ACSL4: variants seen among roughly 807,000 people sequenced by gnomAD.
The protein encoded by ACSL4 is long-chain-fatty-acid--CoA ligase 4.
ACSL4 carries 9 observed loss-of-function variants against 49.1 expected under a neutral mutation model. The ratio of observed to expected loss-of-function variants is 0.18; its 90% CI spans 0.11 to 0.32. The LOEUF is 0.32. ACSL4 is among the 10% of genes least tolerant of loss of function. ACSL4 has a pLI of 1.00. For missense variants in ACSL4, 333 were observed against 493.7 expected, an observed-to-expected ratio of 0.67 and a Z score of 3.08; for synonymous variants, 191 against 170.3, an observed-to-expected ratio of 1.12 and a Z score of -0.95.
intron 15 of ACSL4, among the ~76,000 whole-genome samples, chrX:109,650,975 T>C (rs1231165842): frequency 2.7e-5 from 3 of 112,233 alleles, no homozygotes; most frequent in African/African-American, 9.7e-5. Context: ...AAAAAGGGGA[T>C]TGTGAATTTC....
chrX:109,732,215 CTGT>C (rs1928513474), intron 1 of ACSL4, among the ~76,000 whole-genome samples: 1 of 112,131 alleles, frequency 8.9e-6, no homozygotes, highest in Non-Finnish European at 1.9e-5. Context: ...TTGCATCTCA[CTGT>C]TGTTTCTCAG....
chrX:109,680,980 T>G lies in ACSL4; in HGVS notation c.655+18A>C. 1 of 1,207,422 alleles carries G rather than the reference T, an allele frequency of 8.3e-7. No individual in the cohort carries two copies. The highest frequency in any genetic ancestry group is 1.1e-6 in the Non-Finnish European group (1 of 892,405). On this transcript the variant is annotated intron_variant, in intron 6 of 15. Coordinates refer to ENST00000672401, the MANE Select transcript of ACSL4 (RefSeq NM_001318510.2). The stretch of plus-strand genomic sequence containing the variant: ...ACTTGGAATAGGTAAATAAAATTGT[T>G]TTTACTGCTTTACTTACAGTTTTCT...
chrX:109,647,329 G>C (rs1048225728), intron 15 of ACSL4, among the ~76,000 whole-genome samples: 2 of 111,896 alleles, frequency 1.8e-5, no homozygotes, highest in Non-Finnish European at 3.8e-5. Flanking sequence ...CTGTCTCTCA[G>C]ACCACAGTGC....
intron 15 of ACSL4, among the ~76,000 whole-genome samples, chrX:109,652,018 T>C (rs7887981): frequency 0.2 from 21,915 of 110,944 alleles, 2,029 homozygotes; most frequent in Middle Eastern, 0.34. Context: ...CATTTTTATC[T>C]GAATTAACTA....
intron 15 of ACSL4, among the ~76,000 whole-genome samples, chrX:109,658,398 T>C (rs1273345402): frequency 9.0e-6 from 1 of 111,492 alleles, no homozygotes; most frequent in Non-Finnish European, 1.9e-5. Flanking sequence ...ATCTGCAGCA[T>C]GGCCTCCAGA....
chrX:109,647,736 G>C (rs1390508583), intron 15 of ACSL4, among the ~76,000 whole-genome samples: 22 of 111,023 alleles, frequency 2.0e-4, no homozygotes, highest in Non-Finnish European at 2.6e-4. Flanking sequence ...AATCCAGGAG[G>C]TGGTTTTTTG....
At chrX:109,677,205 A>T (rs983348016) in intron 8 of ACSL4, among the ~76,000 whole-genome samples, 5 of 109,088 alleles carry the variant, frequency 4.6e-5, no homozygotes, top group African/African-American at 1.7e-4. Context: ...CTTGTGATCC[A>T]CCCGCCTCGG....
At position 109,683,277 on chromosome X, in the gene ACSL4, T is replaced by C; in HGVS notation, c.87A>G (p.Val29=). ...RSVTHFDSLA[V]IDIPGADTLD... is the part of the protein sequence containing the mutation. ...GAGTATCTGCTCCAGGGATGTCTAT[T>C]ACAGCTAGTGAGTCGAAGTGTGTGA... Residue 29 remains valine, a synonymous_variant, in exon 3 of 16, where the codon GTA becomes GTG. Transcript: ENST00000672401. 1 of 1,212,148 alleles carries C rather than the reference T, an allele frequency of 8.2e-7. No homozygotes were observed. Among genetic ancestry groups the C allele is most frequent in the Non-Finnish European group, 1.1e-6 (1 of 895,592 alleles).
chrX:109,677,852 T>C, intron 8 of ACSL4, 136 bp downstream of exon 8: 1 of 805,317 alleles, frequency 1.2e-6, no homozygotes, highest in South Asian at 2.1e-5. Context: ...TATAGCTACA[T>C]ATTGTTCATG....
chrX:109,722,255 G>A (rs1260932720), intron 1 of ACSL4, among the ~76,000 whole-genome samples: 3 of 112,294 alleles, frequency 2.7e-5, no homozygotes, highest in African/African-American at 9.7e-5. Flanking sequence ...TAGATGACAA[G>A]AGAAAGTAGC....
chrX:109,712,617 G>A (rs1388754629), intron 1 of ACSL4, among the ~76,000 whole-genome samples: 1 of 112,162 alleles, frequency 8.9e-6, no homozygotes, highest in Non-Finnish European at 1.9e-5. Flanking sequence ...GCTCGTAAGT[G>A]CCAGTGGCAT....
intron 1 of ACSL4, among the ~76,000 whole-genome samples, chrX:109,710,829 G>C (rs1310875720): frequency 2.7e-5 from 3 of 111,592 alleles, no homozygotes; most frequent in African/African-American, 9.8e-5. Flanking sequence ...TCCTGCCTTA[G>C]CCTCCTATAA....
At chrX:109,675,033 TA>T (rs1923570814) in intron 8 of ACSL4, among the ~76,000 whole-genome samples, 1 of 112,506 alleles carries the variant, frequency 8.9e-6, no homozygotes, top group East Asian at 2.8e-4. Context: ...GTTCTCCCGA[TA>T]GAACTAAGTT....
chrX:109,649,727 G>C (rs1934928128), intron 15 of ACSL4, among the ~76,000 whole-genome samples: 1 of 109,693 alleles, frequency 9.1e-6, no homozygotes. Context: ...ACTACCATCA[G>C]AGTGAACAGG....
intron 2 of ACSL4, chrX:109,691,983 T>A (rs1416169253): frequency 8.9e-6 from 1 of 112,183 alleles, no homozygotes; most frequent in Non-Finnish European, 1.9e-5. Flanking sequence ...CAATTATGAC[T>A]GATCTTTGGG....
intron 1 of ACSL4, among the ~76,000 whole-genome samples, chrX:109,703,838 A>G (rs1424864728): frequency 9.0e-6 from 1 of 110,746 alleles, no homozygotes; most frequent in African/African-American, 3.3e-5. Flanking sequence ...AGGCTGAGGC[A>G]GGAGAATTGG....
In ACSL4 at chrX:109,658,758, T is replaced by C. The variant is rs908128826; in HGVS notation, c.1855+596A>G. ...GTCCTCCCAAGTAGGTTAGGTACCC[T>C]CATCTGTGGTACCATGATTCTCTGT... is the stretch of plus-strand genomic sequence containing the variant. On this transcript the variant is annotated intron_variant, in intron 15 of 15. Coordinates refer to ENST00000672401, the MANE Select transcript of ACSL4 (RefSeq NM_001318510.2). Among the ~76,000 whole-genome samples, 3 of 111,763 alleles carry C rather than the reference T, an allele frequency of 2.7e-5. No homozygotes were observed. In the Admixed American group the frequency reaches 2.8e-4, roughly 11 times the overall value.
intron 1 of ACSL4, among the ~76,000 whole-genome samples, chrX:109,706,116 AATTT>A (rs914475011): frequency 8.9e-6 from 1 of 112,805 alleles, no homozygotes; most frequent in Admixed American, 9.4e-5. Flanking sequence ...TTGACATTAA[AATTT>A]ATTCATCTAC....
At chrX:109,656,165 G>A (rs929237822) in intron 15 of ACSL4, among the ~76,000 whole-genome samples, 2 of 110,841 alleles carry the variant, frequency 1.8e-5, no homozygotes, top group Non-Finnish European at 3.8e-5. Flanking sequence ...GAGGATAAAG[G>A]GCTCTAAGAA....
Sources: gnomAD v4.1 joint callset for allele counts (sites outside exome capture counted in the v4.1 genomes callset) on GRCh38, gnomAD v4.1.1 for gene constraint, MANE v1.5 for transcripts, NCBI Gene and HGNC (gene_info 2026-07-23, HGNC 2026-07-21) for gene names.